Variants in WASHC2A observed in about 807,000 individuals in gnomAD.
The protein encoded by WASHC2A is WASH complex subunit FAM21A.
Under a neutral mutation model 140.3 loss-of-function variants are expected in WASHC2A, and 82 were observed. The ratio of observed to expected loss-of-function variants is 0.58; its 90% confidence interval spans 0.49 to 0.70. WASHC2A has a LOEUF of 0.70. WASHC2A is among the 30% of genes least tolerant of loss of function. The pLI, the probability that WASHC2A is intolerant of heterozygous loss-of-function variation, is 0.00. For missense variants in WASHC2A, 985 were observed against 1,521.8 expected (o/e 0.65, Z 5.87); for synonymous variants, 340 against 560.8 (o/e 0.61, Z 5.56).
At chr10:50,098,755 T>C (rs1320034000) in intron 16 of WASHC2A, among the ~76,000 whole-genome samples, 2 of 145,688 alleles carry the variant, frequency 1.4e-5, no homozygotes, top group Non-Finnish European at 3.0e-5. Context: ...TCCAGCCACT[T>C]GTATTGTAGA....
intron 14 of WASHC2A, among the ~76,000 whole-genome samples, 159 bp downstream of exon 14, chr10:50,095,366 C>T (rs1176199064): frequency 6.6e-6 from 1 of 152,012 alleles, no homozygotes; most frequent in African/African-American, 2.4e-5. Flanking sequence ...CTGATATTAG[C>T]TCTTATTCTC....
At chr10:50,069,760 T>C (rs60965269) in intron 3 of WASHC2A, 49 bp downstream of exon 3, 233,319 of 1,545,796 alleles carry the variant, frequency 0.15, 18,866 homozygotes, top group Middle Eastern at 0.22. Flanking sequence ...GTAGGAGATA[T>C]TGTAATTTTA....
intron 3 of WASHC2A, among the ~76,000 whole-genome samples, chr10:50,076,518 C>G (rs1838326486): frequency 6.6e-6 from 1 of 152,130 alleles, no homozygotes; most frequent in Non-Finnish European, 1.5e-5. Context: ...GATGGGTGGA[C>G]AGGAGCCATT....
At chr10:50,087,633 T>C (rs1839500282) in intron 8 of WASHC2A, among the ~76,000 whole-genome samples, 1 of 152,018 alleles carries the variant, frequency 6.6e-6, no homozygotes, top group African/African-American at 2.4e-5. Context: ...CCCTCTTCTG[T>C]TTTAAAATTG....
In WASHC2A at chr10:50,095,508, G is replaced by A. The variant is rs1354508573; in HGVS notation, c.1241-91G>A. The A allele has an allele frequency of 1.5e-4, 230 of 1,526,704 alleles. No homozygotes were observed. The African/African-American group carries it at 1.8e-3, about 12-fold the overall frequency. 94.6% of individuals were successfully genotyped at this position (1,526,704 alleles called of 1,614,324 possible). On this transcript the variant is annotated intron_variant, in intron 14 of 30. Transcript: ENST00000282633. ...TGCATTTTGTGGATTAACTGAAATG[G>A]AAAGTTTTTGGTGGGTGATAATTTT...
intron 17 of WASHC2A, among the ~76,000 whole-genome samples, chr10:50,103,653 C>T (rs1260511828): frequency 2.0e-5 from 3 of 151,036 alleles, no homozygotes; most frequent in Admixed American, 6.6e-5. Flanking sequence ...AATCTAGCCC[C>T]TGTTTCTTTA....
rs1840245426 is a variant in WASHC2A, at chr10:50,094,422, C to T, written c.1180+505C>T. 2.7e-5 allele frequency among the ~76,000 whole-genome samples: 4 copies of T among 148,952 alleles called. No individual in the cohort carries two copies. The South Asian group carries it at 8.7e-4, about 32-fold the overall frequency. Reference sequence around the variant, plus strand: ...ATCCTCAAGTGATCACCCGCCTAGACCTGGCAAAATGCTAGGAATACAGGC... The same window carrying T: ...ATCCTCAAGTGATCACCCGCCTAGATCTGGCAAAATGCTAGGAATACAGGC... On this transcript the variant is annotated intron_variant, in intron 13 of 30. Transcript: ENST00000282633.
Position 50,129,643 on chromosome 10 carries a change from A to G in WASHC2A, c.3312A>G (p.Glu1104=). ...EALAAAAAPW[E]GGPVPGVDRS... Reference sequence around the variant, plus strand: ...TGGCAGCTGCCGCTGCACCTTGGGAAGGTGGTCCTGTGCCTGGAGTGGACA... The same window carrying G: ...TGGCAGCTGCCGCTGCACCTTGGGAGGGTGGTCCTGTGCCTGGAGTGGACA... The change falls in exon 29 of 31, where the codon GAA becomes GAG. Residue 1104 remains glutamate, a synonymous_variant. Coordinates refer to ENST00000282633, the MANE Select transcript of WASHC2A (RefSeq NM_001005751.3). The G allele has an allele frequency of 6.2e-7, 1 of 1,612,068 alleles. No homozygotes were observed. The highest frequency in any genetic ancestry group is 1.1e-5 in the South Asian group (1 of 90,996).
intron 20 of WASHC2A, among the ~76,000 whole-genome samples, chr10:50,112,875 G>A (rs1476630132): frequency 6.7e-5 from 10 of 149,062 alleles, no homozygotes; most frequent in Admixed American, 2.0e-4. Context: ...TAGATTAGTG[G>A]TTGCCAGGGC....
In WASHC2A at chr10:50,104,110, G is replaced by T. The variant is rs564989375; in HGVS notation, c.1704G>T (p.Thr568=). 9 of 1,455,372 alleles carry T rather than the reference G, an allele frequency of 6.2e-6. 1 individual carries two copies. Among genetic ancestry groups the T allele is most frequent in the Middle Eastern group, 2.6e-4 (1 of 3,908 alleles). 90.2% of individuals were successfully genotyped at this position (1,455,372 alleles called of 1,614,324 possible). A position where few individuals can be genotyped will look rare whatever the true frequency, so the allele number is the denominator to read the frequency against. ...GASLLPGKLP[T]LVSLFDDEDE... is the part of the protein sequence containing the mutation. ...CTCTGCTGCCTGGCAAGCTCCCCAC[G>T]TTGGTTTCCCTGTTTGATGATGAAG... The change falls in exon 18 of 31, where the codon ACG becomes ACT. Residue 568 remains threonine, a synonymous_variant. Transcript: ENST00000282633.
chr10:50,075,054 A>ATGTGTG (rs142470094), intron 3 of WASHC2A, among the ~76,000 whole-genome samples: 11 of 150,894 alleles, frequency 7.3e-5, no homozygotes, highest in African/African-American at 2.2e-4. Context: ...AGATGACGGT[A>ATGTGTG]TGTGTGTGTG....
In WASHC2A at chr10:50,133,099, G is replaced by GT; in HGVS notation, c.*157dup. ...ATGTACTTGGTATTTTTCTGCACTG[G>GT]TTTAATCATGCTTAATACTACAAAA... On this transcript the variant is annotated 3_prime_UTR_variant, in exon 31 of 31. Transcript: ENST00000282633. The GT allele has an allele frequency of 7.2e-7, 1 of 1,391,098 alleles. No homozygotes were observed. 86.2% of individuals were successfully genotyped at this position (1,391,098 alleles called of 1,614,324 possible). A position where few individuals can be genotyped will look rare whatever the true frequency, so the allele number is the denominator to read the frequency against.
chr10:50,102,418 T>C (rs1159201989), intron 17 of WASHC2A, among the ~76,000 whole-genome samples: 1 of 152,144 alleles, frequency 6.6e-6, no homozygotes, highest in Non-Finnish European at 1.5e-5. Context: ...AACTGTGATG[T>C]TGACATTTGT....
chr10:50,072,170 C>T (rs527457378), intron 3 of WASHC2A, among the ~76,000 whole-genome samples: 19 of 147,024 alleles, frequency 1.3e-4, no homozygotes, highest in African/African-American at 4.0e-4. Context: ...TTGCAACCTC[C>T]GCCTCCCGGG....
At chr10:50,089,844 T>C (rs1396435938) in intron 8 of WASHC2A, among the ~76,000 whole-genome samples, 9 of 152,120 alleles carry the variant, frequency 5.9e-5, no homozygotes, top group African/African-American at 2.2e-4. Context: ...TCCCAGTGCT[T>C]TGAGAATGTA....
In WASHC2A at chr10:50,099,963, C is replaced by T. The variant is rs782057438; in HGVS notation, c.1549-15C>T. ...CTTTTTTTCTTCCCCACCCCCCCCC[C>T]CACCCCCGACAAAGGTTACCTTATC... On this transcript the variant is annotated splice_polypyrimidine_tract_variant and intron_variant, in intron 16 of 30. Coordinates refer to ENST00000282633, the MANE Select transcript of WASHC2A (RefSeq NM_001005751.3). 6.5e-6 allele frequency: 9 copies of T among 1,378,738 alleles called. No homozygotes were observed. The highest frequency in any genetic ancestry group is 1.9e-4 in the Middle Eastern group (1 of 5,176). 85.4% of individuals were successfully genotyped at this position (1,378,738 alleles called of 1,614,324 possible).
rs781810667 is a variant in WASHC2A, at chr10:50,068,159, G to A, written c.58G>A (p.Glu20Lys). The part of the protein sequence containing the change: ...ELAPASEPVW[E>K]RPWSVEEIRR... Reference sequence around the variant, plus strand: ...GGCGCCAGCGTCGGAGCCCGTGTGGGAGCGGCCGTGGTCGGTGGAGGAGAT... The same window carrying A: ...GGCGCCAGCGTCGGAGCCCGTGTGGAAGCGGCCGTGGTCGGTGGAGGAGAT... Residue 20 changes from glutamate to lysine, a missense_variant, in exon 2 of 31, where the codon GAG becomes AAG. Glu to Lys is a moderately conservative substitution (Grantham distance 56, BLOSUM62 1). Transcript: ENST00000282633. The A allele has an allele frequency of 1.2e-6, 2 of 1,602,134 alleles. No individual in the cohort carries two copies. The highest frequency in any genetic ancestry group is 1.7e-5 in the Admixed American group (1 of 59,460).
chr10:50,095,578 G>A (rs1307922755), intron 14 of WASHC2A, 21 bp from the exon 15 acceptor site: 14 of 1,611,926 alleles, frequency 8.7e-6, no homozygotes, highest in African/African-American at 1.3e-5. Flanking sequence ...AGCTGTGGCT[G>A]TCTTGTCTTT....
chr10:50,097,938 G>C, intron 16 of WASHC2A, 136 bp downstream of exon 16: 1 of 1,229,034 alleles, frequency 8.1e-7, no homozygotes. Context: ...AAAGAACATT[G>C]CAGTGAACAC....
Sources: allele counts gnomAD v4.1 joint callset (sites outside exome capture counted in the v4.1 genomes callset), GRCh38; gene constraint gnomAD v4.1.1; transcripts MANE v1.5; gene names NCBI Gene and HGNC (gene_info 2026-07-23, HGNC 2026-07-21).